The following CCDC148 variants were observed in gnomAD, a reference collection of about 807,000 sequenced individuals.
CCDC148 encodes the protein coiled-coil domain-containing protein 148.
In CCDC148, 89 loss-of-function variants were observed where a neutral mutation model predicts 85.7. The observed-to-expected ratio is 1.04, with a 90% CI of 0.87 to 1.24. The LOEUF is 1.24. Among genes scored for constraint, CCDC148 ranks in the 50% most tolerant of loss-of-function variants. The pLI is 0.00. For missense variants in CCDC148, 692 were observed against 671.7 expected, an observed-to-expected ratio of 1.03 and a Z score of -0.33; for synonymous variants, 230 against 213.9, an observed-to-expected ratio of 1.08 and a Z score of -0.66.
chr2:158,456,496 G>A lies in CCDC148; in HGVS notation c.-57C>T, dbSNP rs1573865329. 2 of 1,588,662 alleles carry A rather than the reference G, an allele frequency of 1.3e-6. No homozygotes were observed. The highest frequency in any genetic ancestry group is 2.3e-5 in the East Asian group (1 of 44,086). On this transcript the variant is annotated 5_prime_UTR_variant, in exon 1 of 14. Transcript: ENST00000283233. Reference sequence around the variant, plus strand: ...TCCCCAAACGCAGGAAAAGTGAAACGCCCACTCCTGGGCTCTCGCCGTCAG... The same window carrying A: ...TCCCCAAACGCAGGAAAAGTGAAACACCCACTCCTGGGCTCTCGCCGTCAG...
chr2:158,214,783 T>A (rs1342725773), intron 11 of CCDC148, among the ~76,000 whole-genome samples: 1 of 152,130 alleles, frequency 6.6e-6, no homozygotes, highest in Non-Finnish European at 1.5e-5. Flanking sequence ...CAAAAATAAT[T>A]TCTGTCCTCC....
At position 158,298,279 on chromosome 2, in the gene CCDC148, G is replaced by A. The variant is rs538583333; in HGVS notation, c.1110+11154C>T. Among the ~76,000 whole-genome samples the A allele has an allele frequency of 1.6e-4, 25 of 152,142 alleles. 1 individual carries two copies. Among genetic ancestry groups the A allele is most frequent in the African/African-American group, 5.1e-4 (21 of 41,512 alleles). Reference sequence around the variant, plus strand: ...ATTTGGGTAGGGATACAGCCAAACCGTATCACCATTGTTTTCAGGAGTTTG... The same window carrying A: ...ATTTGGGTAGGGATACAGCCAAACCATATCACCATTGTTTTCAGGAGTTTG... On this transcript the variant is annotated intron_variant, in intron 9 of 13. Coordinates refer to ENST00000283233, the MANE Select transcript of CCDC148 (RefSeq NM_138803.4).
chr2:158,304,310 A>C (rs2105202863), intron 9 of CCDC148, among the ~76,000 whole-genome samples: 1 of 152,272 alleles, frequency 6.6e-6, no homozygotes, highest in African/African-American at 2.4e-5. Flanking sequence ...CACTGTCCTA[A>C]GTAAGCTAGG....
chr2:158,345,757 T>C (rs960234981), intron 2 of CCDC148, among the ~76,000 whole-genome samples: 1 of 152,152 alleles, frequency 6.6e-6, no homozygotes, highest in Non-Finnish European at 1.5e-5. Context: ...GTGGTCAAGA[T>C]TATAAAGCTC....
At chr2:158,227,555 T>C (rs1370305019) in intron 10 of CCDC148, among the ~76,000 whole-genome samples, 1 of 152,130 alleles carries the variant, frequency 6.6e-6, no homozygotes, top group Non-Finnish European at 1.5e-5. Flanking sequence ...GACTTCAAAC[T>C]ATACTACAAG....
chr2:158,338,724 A>C lies in CCDC148; in HGVS notation c.764+2T>G, dbSNP rs1035725105. On this transcript the variant is annotated splice_donor_variant, in intron 7 of 13. Coordinates refer to ENST00000283233, the MANE Select transcript of CCDC148 (RefSeq NM_138803.4). LOFTEE classifies it high-confidence loss of function. The stretch of plus-strand genomic sequence containing the variant: ...ACACAGGACTCAGTTTTATCTTATC[A>C]CCTGTATATGTCTTCCAACTGCAGA... 11 of 1,593,292 alleles carry C rather than the reference A, an allele frequency of 6.9e-6. No individual in the cohort carries two copies. The highest frequency in any genetic ancestry group is 9.4e-6 in the Non-Finnish European group (11 of 1,173,690).
chr2:158,255,130 G>T (rs1559021425), intron 9 of CCDC148, among the ~76,000 whole-genome samples: 1 of 151,406 alleles, frequency 6.6e-6, no homozygotes, highest in East Asian at 1.9e-4. Flanking sequence ...GAAAAGAAAA[G>T]AAATGCTGTA....
intron 3 of CCDC148, among the ~76,000 whole-genome samples, chr2:158,341,090 T>TTGGTCTAGTTCAG (rs756411108): frequency 2.6e-5 from 4 of 151,946 alleles, no homozygotes; most frequent in Non-Finnish European, 4.4e-5. Context: ...AACAAGGAGG[T>TTGGTCTAGTTCAG]AATTTTAAAA....
At chr2:158,184,421 T>C (rs1027528128) in intron 11 of CCDC148, among the ~76,000 whole-genome samples, 2 of 152,106 alleles carry the variant, frequency 1.3e-5, no homozygotes, top group African/African-American at 2.4e-5. Context: ...CAGGTTATAA[T>C]AGTGGGGGGA....
At chr2:158,193,221 TTC>T (rs1210072153) in intron 11 of CCDC148, among the ~76,000 whole-genome samples, 1 of 152,120 alleles carries the variant, frequency 6.6e-6, no homozygotes, top group Admixed American at 6.6e-5. Flanking sequence ...CAATCAACAT[TTC>T]TGTCTTATGT....
chr2:158,301,864 CAGA>C (rs1211254394), intron 9 of CCDC148, among the ~76,000 whole-genome samples: 1 of 152,118 alleles, frequency 6.6e-6, no homozygotes, highest in Non-Finnish European at 1.5e-5. Flanking sequence ...ACTGAGAAGT[CAGA>C]AGTTCTTGGG....
chr2:158,329,678 T>A (rs1026089491), intron 7 of CCDC148, among the ~76,000 whole-genome samples: 12 of 152,102 alleles, frequency 7.9e-5, no homozygotes, highest in Non-Finnish European at 1.3e-4. Context: ...TATCCTCTTT[T>A]ATTTCATTGA....
At position 158,281,303 on chromosome 2, in the gene CCDC148, C is replaced by CAGA. The variant is rs1298365365; in HGVS notation, c.1110+28129_1110+28130insTCT. The stretch of plus-strand genomic sequence containing the variant: ...AGAGCAGAACTGAAGGAAATAGAGA[C>CAGA]ACAAAAAACCCTTCAAAAAATTAAT... On this transcript the variant is annotated intron_variant, in intron 9 of 13. Transcript: ENST00000283233. Among the ~76,000 whole-genome samples the CAGA allele has an allele frequency of 3.9e-5, 6 of 152,102 alleles. No homozygotes were observed. The East Asian group carries it at 1.2e-3, about 29-fold the overall frequency.
At chr2:158,279,528 G>A (rs993922267) in intron 9 of CCDC148, among the ~76,000 whole-genome samples, 1 of 152,310 alleles carries the variant, frequency 6.6e-6, no homozygotes, top group East Asian at 1.9e-4. Context: ...GGGTATCAGT[G>A]ATGGAAGATG....
At chr2:158,378,810 C>T (rs1684756910) in intron 1 of CCDC148, among the ~76,000 whole-genome samples, 1 of 152,088 alleles carries the variant, frequency 6.6e-6, no homozygotes, top group African/African-American at 2.4e-5. Context: ...ATATTTTAAG[C>T]CCACTGTTGA....
chr2:158,364,010 T>G (rs981328767), intron 1 of CCDC148, among the ~76,000 whole-genome samples: 2 of 152,184 alleles, frequency 1.3e-5, no homozygotes, highest in Non-Finnish European at 2.9e-5. Flanking sequence ...GGCATTCCTA[T>G]ACACCAATAA....
chr2:158,278,393 G>A (rs888853451), intron 9 of CCDC148, among the ~76,000 whole-genome samples: 1 of 152,110 alleles, frequency 6.6e-6, no homozygotes, highest in Non-Finnish European at 1.5e-5. Flanking sequence ...GGTGACAGAC[G>A]GCACCTGGAA....
At position 158,340,253 on chromosome 2, in the gene CCDC148, C is replaced by T. The variant is rs771347828; in HGVS notation, c.475G>A (p.Val159Ile). 2.5e-6 allele frequency: 4 copies of T among 1,613,678 alleles called. No homozygotes were observed. In the Middle Eastern group the frequency reaches 5.0e-4, roughly 200 times the overall value. ...HPHIEFNSMK[V>I]LEEVDFVKKQ... is the part of the protein sequence containing the mutation. ...GGTAACATACTAACCTCTTCCAATA[C>T]TTTCATGGAGTTAAACTCAATATGT... The change falls in exon 5 of 14, where the codon GTA (valine) becomes ATA (isoleucine). Residue 159 changes from valine to isoleucine, a missense_variant. By Grantham distance (29) the Val-to-Ile change is conservative (BLOSUM62 3). Coordinates refer to ENST00000283233, the MANE Select transcript of CCDC148 (RefSeq NM_138803.4).
At chr2:158,203,591 T>C (rs1294756112) in intron 11 of CCDC148, among the ~76,000 whole-genome samples, 1 of 152,078 alleles carries the variant, frequency 6.6e-6, no homozygotes, top group East Asian at 1.9e-4. Context: ...TGTTAAAAGT[T>C]TGTTAGGAGA....
Sources: allele counts gnomAD v4.1 joint callset (sites outside exome capture counted in the v4.1 genomes callset), GRCh38; gene constraint gnomAD v4.1.1; transcripts MANE v1.5; gene names NCBI Gene and HGNC (gene_info 2026-07-23, HGNC 2026-07-21).